CLEC20A: variants seen among roughly 807,000 people sequenced by gnomAD.
The protein encoded by CLEC20A is C-type lectin domain containing 20A.
chr1:178,494,796 T>C lies in CLEC20A; in HGVS notation c.55A>G (p.Ser19Gly), dbSNP rs566042950. Residue 19 changes from serine (S) to glycine (G), a missense_variant, in exon 2 of 8, where the codon AGC becomes GGC. Ser to Gly is a moderately conservative substitution (Grantham distance 56). Coordinates refer to ENST00000623247, the Ensembl canonical transcript of CLEC20A. ...ACCAGAACCAAGTCCCTCTTACTGC[T>C]CACCAGCTGCAGGGCTGGAACAGGA... is the stretch of plus-strand genomic sequence containing the variant. 14 of 399,344 alleles carry C rather than the reference T, an allele frequency of 3.5e-5. No individual in the cohort carries two copies. The South Asian group carries it at 1.8e-3, about 51-fold the overall frequency. 24.7% of individuals were successfully genotyped at this position (399,344 alleles called of 1,614,324 possible). A position where few individuals can be genotyped will look rare whatever the true frequency, so the allele number is the denominator to read the frequency against.
intron 7 of CLEC20A, chr1:178,479,861 T>A (rs2102992450): frequency 3.4e-6 from 1 of 293,276 alleles, no homozygotes; most frequent in Non-Finnish European, 6.2e-6. Flanking sequence ...AAATCAGTGG[T>A]TTTCAATCCT....
chr1:178,483,215 C>T, exon 6 of CLEC20A: 1 of 398,590 alleles, frequency 2.5e-6, no homozygotes, highest in East Asian at 3.6e-5. Flanking sequence ...ATTCTGAACT[C>T]AGATGTTGGG....
At chr1:178,482,071 AAACAAAAAAACAAAAAAAC>A (rs997828718) in intron 7 of CLEC20A, 25 of 341,616 alleles carry the variant, frequency 7.3e-5, no homozygotes, top group Non-Finnish European at 1.3e-4. Flanking sequence ...GACCAAAAAA[AAACAAAAAAACAAAAAAAC>A]AACAAAAAAA....
intron 1 of CLEC20A, among the ~76,000 whole-genome samples, chr1:178,495,549 G>C (rs1472713996): frequency 2.6e-5 from 4 of 152,174 alleles, no homozygotes; most frequent in African/African-American, 9.6e-5. Context: ...TTGCTTGTCT[G>C]TCTGTATCAC....
At chr1:178,480,591 G>A (rs1429199912) in intron 7 of CLEC20A, 1 of 152,264 alleles carries the variant, frequency 6.6e-6, no homozygotes, top group Non-Finnish European at 1.5e-5. Flanking sequence ...GACCATCCTG[G>A]CTAACATGGT....
In CLEC20A at chr1:178,488,540, TG is replaced by T. The variant is rs1279389377; in HGVS notation, c.888del (p.Thr297GlnfsTer3). ...GGAGTTGTTTCCTCTGTCATTTCTG[TG>T]GGGGAAGTGTGGAAGAGTGGAGGCA... is the stretch of plus-strand genomic sequence containing the variant. On this transcript the variant is annotated frameshift_variant, in exon 5 of 8. Coordinates refer to ENST00000623247, the Ensembl canonical transcript of CLEC20A. LOFTEE classifies it high-confidence loss of function. The T allele has an allele frequency of 3.0e-5, 12 of 398,578 alleles. 1 individual carries two copies. 24.7% of individuals were successfully genotyped at this position (398,578 alleles called of 1,614,324 possible).
upstream of CLEC20A, among the ~76,000 whole-genome samples, chr1:178,498,155 G>A (rs1649443632): frequency 6.6e-6 from 1 of 152,112 alleles, no homozygotes; most frequent in Non-Finnish European, 1.5e-5. Context: ...AGGTGAGACA[G>A]TATTCAAGCT....
rs1260081366 is a variant in CLEC20A, at chr1:178,488,400, C to T, written c.928+101G>A. 24 of 397,676 alleles carry T rather than the reference C, an allele frequency of 6.0e-5. No homozygotes were observed. The East Asian group carries it at 7.8e-4, about 13-fold the overall frequency. 24.6% of individuals were successfully genotyped at this position (397,676 alleles called of 1,614,324 possible). On this transcript the variant is annotated intron_variant, in intron 5 of 7. Transcript: ENST00000623247. The stretch of plus-strand genomic sequence containing the variant: ...TTAGCTCACCCCTTTTCTAGGCATA[C>T]ACTGGCCCTTCTAAGAGGGGCTTAT...
intron 5 of CLEC20A, 53 bp downstream of exon 5, chr1:178,488,448 C>T: frequency 2.5e-6 from 1 of 398,736 alleles, no homozygotes; most frequent in Non-Finnish European, 4.4e-6. Context: ...CCAGCCTTGC[C>T]ACTTCCCCAG....
intron 7 of CLEC20A, 62 bp from the exon 8 acceptor site, chr1:178,479,677 C>G (rs567287663): frequency 2.5e-6 from 1 of 397,678 alleles, no homozygotes; most frequent in South Asian, 1.3e-4. Context: ...TCCTCTTAGC[C>G]CTAAACTATC....
chr1:178,486,879 C>T (rs114168682), intron 5 of CLEC20A: 8,270 of 398,286 alleles, frequency 0.021, 122 homozygotes, highest in East Asian at 0.047. Context: ...CGAGGTTGGC[C>T]GAAGGGCCGG....
chr1:178,487,863 G>A (rs1188880974), intron 5 of CLEC20A, among the ~76,000 whole-genome samples: 1 of 152,230 alleles, frequency 6.6e-6, no homozygotes, highest in East Asian at 1.9e-4. Context: ...AATCTGTAAG[G>A]AGGCCAGGAA....
chr1:178,488,741 G>A (rs377346975), intron 4 of CLEC20A, 142 bp from the exon 5 acceptor site: 29 of 395,990 alleles, frequency 7.3e-5, no homozygotes, highest in East Asian at 3.6e-4. Context: ...TACATCTACC[G>A]TGTGCCAATC....
chr1:178,493,423 G>C (rs1649312982), intron 2 of CLEC20A: 1 of 152,718 alleles, frequency 6.5e-6, no homozygotes, highest in Non-Finnish European at 1.5e-5. Flanking sequence ...CACAGAGTTG[G>C]ACTGAGCCTT....
intron 5 of CLEC20A, chr1:178,484,641 C>T (rs553988454): frequency 1.3e-5 from 2 of 152,174 alleles, no homozygotes; most frequent in East Asian, 3.9e-4. Flanking sequence ...ATGATCATAC[C>T]ACTGCTCTCC....
At chr1:178,488,374 C>G (rs1649198291) in intron 5 of CLEC20A, 127 bp downstream of exon 5, 2 of 396,512 alleles carry the variant, frequency 5.0e-6, no homozygotes, top group Admixed American at 8.8e-5. Flanking sequence ...CTGCCACCCC[C>G]TTAGCTCACC....
chr1:178,487,376 C>G (rs1198170633), intron 5 of CLEC20A, among the ~76,000 whole-genome samples: 1 of 152,120 alleles, frequency 6.6e-6, no homozygotes, highest in Non-Finnish European at 1.5e-5. Context: ...GGGTGAGGTC[C>G]CTTAGTGACT....
chr1:178,491,442 A>T (rs1278977861), intron 3 of CLEC20A, among the ~76,000 whole-genome samples: 1 of 152,136 alleles, frequency 6.6e-6, no homozygotes, highest in Non-Finnish European at 1.5e-5. Flanking sequence ...CTATCTAAAC[A>T]GATTTTTTAA....
At position 178,488,489 on chromosome 1, in the gene CLEC20A, G is replaced by A. The variant is rs1649201069; in HGVS notation, c.928+12C>T. ...GAAGACCCAGATCCAGCCAAGGGCA[G>A]GCTCAAAGCACCTCTGCCTGGCCTG... On this transcript the variant is annotated intron_variant, in intron 5 of 7. Transcript: ENST00000623247. 2.5e-6 allele frequency: 1 copy of A among 398,798 alleles called. No individual in the cohort carries two copies. 24.7% of individuals were successfully genotyped at this position (398,798 alleles called of 1,614,324 possible).
Sources: allele counts gnomAD v4.1 joint callset (sites outside exome capture counted in the v4.1 genomes callset), GRCh38; gene constraint gnomAD v4.1.1; transcripts MANE v1.5; gene names NCBI Gene and HGNC (gene_info 2026-07-23, HGNC 2026-07-21).